KLHL4: variants seen among roughly 807,000 people sequenced by gnomAD.
The protein encoded by KLHL4 is kelch-like protein 4.
Under a neutral mutation model 45.8 loss-of-function variants are expected in KLHL4, and 17 were observed. That is an observed-to-expected ratio of 0.37 (90% CI 0.25 to 0.56). KLHL4 has a LOEUF of 0.56. KLHL4 is among the 20% of genes least tolerant of loss of function. The pLI is 0.79. For missense variants in KLHL4, 544 were observed against 544.9 expected (o/e 1.00, Z 0.02); for synonymous variants, 224 against 189.9 (o/e 1.18, Z -1.47).
At chrX:87,549,683 G>C (rs1418450520) in intron 1 of KLHL4, among the ~76,000 whole-genome samples, 1 of 111,127 alleles carries the variant, frequency 9.0e-6, no homozygotes, top group Non-Finnish European at 1.9e-5. Context: ...CTGAGTTAAT[G>C]AGGAAATTTA....
chrX:87,518,661 A>G (rs150921774), intron 1 of KLHL4, among the ~76,000 whole-genome samples: 3,239 of 111,858 alleles, frequency 0.029, 48 homozygotes, highest in Non-Finnish European at 0.044. Context: ...TGCAAGTGTT[A>G]TGAATCACGG....
At chrX:87,605,563 T>C (rs1038125638) in intron 1 of KLHL4, among the ~76,000 whole-genome samples, 1 of 111,310 alleles carries the variant, frequency 9.0e-6, no homozygotes, top group Non-Finnish European at 1.9e-5. Flanking sequence ...GATACACTAC[T>C]GATTTTTGTT....
intron 8 of KLHL4, among the ~76,000 whole-genome samples, chrX:87,635,044 T>TA (rs1482853421): frequency 8.9e-6 from 1 of 112,019 alleles, no homozygotes; most frequent in African/African-American, 3.2e-5. Context: ...CAATATCACT[T>TA]ACGAGGGAAA....
rs748890314 is a variant in KLHL4 at position 87,625,809 on chromosome X, T to TA, written c.1324+14dup. ...GATGCTATGAAAGGTAAAAATAACT[T>TA]AGAGTGTCTTCATTCAAAAAAGATA... On this transcript the variant is annotated intron_variant, in intron 6 of 10. Transcript: ENST00000373119. The TA allele has an allele frequency of 5.7e-5, 65 of 1,144,520 alleles. No homozygotes were observed. Among genetic ancestry groups the TA allele is most frequent in the Non-Finnish European group, 7.3e-5 (62 of 847,286 alleles). The allele number at this position is 1,144,520 out of a possible 1,213,427, so 94.3% of individuals were successfully genotyped here.
chrX:87,617,470 T>G (rs1049100308), intron 3 of KLHL4, among the ~76,000 whole-genome samples: 1 of 111,777 alleles, frequency 8.9e-6, no homozygotes, highest in Non-Finnish European at 1.9e-5. Flanking sequence ...GTTACTTGCA[T>G]GGCCAATTGT....
At chrX:87,609,045 G>A (rs964496185) in intron 1 of KLHL4, among the ~76,000 whole-genome samples, 4 of 111,204 alleles carry the variant, frequency 3.6e-5, no homozygotes, top group Non-Finnish European at 7.5e-5. Context: ...AGTTTGCTGA[G>A]AATGATGGTT....
chrX:87,623,657 TAAG>T (rs1366327909), intron 5 of KLHL4, among the ~76,000 whole-genome samples: 1 of 111,435 alleles, frequency 9.0e-6, no homozygotes, highest in African/African-American at 3.3e-5. Flanking sequence ...TGCATGCTCT[TAAG>T]AATCTATCCA....
At chrX:87,632,533 T>C in intron 7 of KLHL4, 99 bp downstream of exon 7, 1 of 504,689 alleles carries the variant, frequency 2.0e-6, no homozygotes, top group Non-Finnish European at 3.2e-6. Flanking sequence ...GCCAAATCCT[T>C]AGTGAAAATG....
At position 87,669,969 on chromosome X, in the gene KLHL4, C is replaced by CAT. The variant is rs1486009941; in HGVS notation, c.*3438_*3439dup. On this transcript the variant is annotated 3_prime_UTR_variant, in exon 11 of 11. Transcript: ENST00000373119. ...TGATTTAATCATCCCACACTGTATA[C>CAT]ATATGCCAAAATATCATTTTGTATG... The CAT allele has an allele frequency of 9.0e-6, 1 of 111,625 alleles. No homozygotes were observed. The highest frequency in any genetic ancestry group is 2.8e-4 in the East Asian group (1 of 3,569). The allele number at this position is 111,625 out of a possible 1,213,427, so 9.2% of individuals were successfully genotyped here.
intron 1 of KLHL4, among the ~76,000 whole-genome samples, chrX:87,578,831 C>CA (rs937280992): frequency 2.7e-5 from 3 of 110,816 alleles, no homozygotes; most frequent in East Asian, 2.9e-4. Context: ...GCAATTATAA[C>CA]AAAAAAAATG....
Position 87,664,759 on chromosome X carries a change from T to A in KLHL4, c.1926-5T>A. 2 of 1,183,852 alleles carry A rather than the reference T, an allele frequency of 1.7e-6. No individual in the cohort carries two copies. Among genetic ancestry groups the A allele is most frequent in the Non-Finnish European group, 2.3e-6 (2 of 878,345 alleles). On this transcript the variant is annotated splice_region_variant and splice_polypyrimidine_tract_variant and intron_variant, in intron 9 of 10. Transcript: ENST00000373119. ...CCTCCCAATTATCTTTCTAAATCCTTTAAGGTATGATCCAAAAGGTGATTC... is the reference window on the plus strand; with the variant it reads ...CCTCCCAATTATCTTTCTAAATCCTATAAGGTATGATCCAAAAGGTGATTC...
chrX:87,562,014 C>T (rs1024185389), intron 1 of KLHL4, among the ~76,000 whole-genome samples: 2 of 109,675 alleles, frequency 1.8e-5, no homozygotes, highest in Non-Finnish European at 3.8e-5. Flanking sequence ...GTAGTAATCA[C>T]CATAGGACTT....
Position 87,609,208 on chromosome X carries a change from C to T in KLHL4, c.423-4669C>T, listed in dbSNP as rs189023169. On this transcript the variant is annotated intron_variant, in intron 1 of 10. Coordinates refer to ENST00000373119, the MANE Select transcript of KLHL4 (RefSeq NM_019117.5). Reference sequence around the variant, plus strand: ...AAGTCTTTGCTACTGTGAACATTGCCGCAATAAACATATGTGTGCATGTGT... The same window carrying T: ...AAGTCTTTGCTACTGTGAACATTGCTGCAATAAACATATGTGTGCATGTGT... 5.3e-3 allele frequency among the ~76,000 whole-genome samples: 591 copies of T among 111,844 alleles called. 4 individuals carry two copies. The highest frequency in any genetic ancestry group is 0.018 in the African/African-American group (559 of 30,731).
Position 87,668,541 on chromosome X carries a change from G to A in KLHL4, c.*2007G>A, listed in dbSNP as rs948980514. On this transcript the variant is annotated 3_prime_UTR_variant, in exon 11 of 11. Transcript: ENST00000373119. ...TGTGGTTTGAATATTTTTTTCCCTC[G>A]AAAACTCATGTTGAAACTTAACTCC... is the stretch of plus-strand genomic sequence containing the variant. 3.9e-5 allele frequency: 27 copies of A among 689,410 alleles called. No individual in the cohort carries two copies. The African/African-American group carries it at 5.3e-4, about 13-fold the overall frequency. The allele number at this position is 689,410 out of a possible 1,213,427, so 56.8% of individuals were successfully genotyped here.
At chrX:87,635,457 T>C in intron 8 of KLHL4, 106 bp from the exon 9 acceptor site, 1 of 558,913 alleles carries the variant, frequency 1.8e-6, no homozygotes, top group Non-Finnish European at 2.8e-6. Context: ...TTCAGAAACT[T>C]GAAAAGCTTT....
chrX:87,651,303 CT>C (rs1352204945), intron 9 of KLHL4, among the ~76,000 whole-genome samples: 1 of 111,212 alleles, frequency 9.0e-6, no homozygotes, highest in Non-Finnish European at 1.9e-5. Flanking sequence ...CATTCTACCC[CT>C]GACCACTCCC....
rs774355960 is a variant in KLHL4 at position 87,664,918 on chromosome X, A to C, written c.2080A>C (p.Arg694=). Residue 694 remains arginine, a synonymous_variant, in exon 10 of 11, where the codon AGA becomes CGA. Coordinates refer to ENST00000373119, the MANE Select transcript of KLHL4 (RefSeq NM_019117.5). ...CACAGTTGAGTCATATGATGCACAG[A>C]GAAATGAATGGAAAGAGGTATTCGA... The part of the protein sequence containing the change: ...LNTVESYDAQ[R]NEWKEEVPVN... The C allele has an allele frequency of 8.7e-7, 1 of 1,152,336 alleles. No homozygotes were observed. Among genetic ancestry groups the C allele is most frequent in the African/African-American group, 1.8e-5 (1 of 56,057 alleles). 95.0% of individuals were successfully genotyped at this position (1,152,336 alleles called of 1,213,427 possible).
chrX:87,592,382 T>C (rs1456537053), intron 1 of KLHL4, among the ~76,000 whole-genome samples: 2 of 111,235 alleles, frequency 1.8e-5, no homozygotes, highest in African/African-American at 3.3e-5. Flanking sequence ...TACCTAGAAG[T>C]AGGATTGCTG....
At chrX:87,574,119 G>A (rs1023618895) in intron 1 of KLHL4, among the ~76,000 whole-genome samples, 1 of 111,757 alleles carries the variant, frequency 8.9e-6, no homozygotes, top group African/African-American at 3.2e-5. Context: ...ATAGTAGGTA[G>A]CCTATGCAGT....
Sources: allele counts gnomAD v4.1 joint callset (sites outside exome capture counted in the v4.1 genomes callset), GRCh38; gene constraint gnomAD v4.1.1; transcripts MANE v1.5; gene names NCBI Gene and HGNC (gene_info 2026-07-23, HGNC 2026-07-21).